Variants in DUSP15 observed in about 807,000 individuals in gnomAD.
DUSP15 encodes the protein dual specificity phosphatase 15.
A neutral mutation model predicts 26.3 loss-of-function variants in DUSP15; 23 were observed. The ratio of observed to expected loss-of-function variants is 0.87; its 90% CI spans 0.63 to 1.24. The LOEUF is 1.24. DUSP15 is among the 50% of genes most tolerant of loss of function. The probability of loss-of-function intolerance (pLI) is 0.00; values close to 1 mark genes in which losing one functional copy is unlikely to be tolerated. For synonymous variants in DUSP15, 143 were observed against 135.5 expected (o/e 1.06, Z -0.39); for missense variants, 364 against 320.6 (o/e 1.14, Z -1.03).
chr20:31,846,475 A>AGAGAGAGAGAGAGAGAGG (rs71274237), downstream of DUSP15, among the ~76,000 whole-genome samples: 14 of 79,674 alleles, frequency 1.8e-4, no homozygotes, highest in South Asian at 1.3e-3. Flanking sequence ...AGAGAGAGAG[A>AGAGAGAGAGAGAGAGAGG]GGAGAGAGAG....
At chr20:31,849,523 C>A (rs775286585) in intron 8 of DUSP15, 2 of 831,970 alleles carry the variant, frequency 2.4e-6, no homozygotes, top group Non-Finnish European at 4.2e-6. Context: ...TGTTCCACTC[C>A]TCCAGCCGTC....
rs1600427351 is a variant in DUSP15, at chr20:31,848,662, C to T, written c.727-97G>A. 3 of 1,460,762 alleles carry T rather than the reference C, an allele frequency of 2.1e-6. No individual in the cohort carries two copies. In the African/African-American group the frequency reaches 4.3e-5, roughly 21 times the overall value. The allele number at this position is 1,460,762 out of a possible 1,614,324, so 90.5% of individuals were successfully genotyped here. A position where few individuals can be genotyped will look rare whatever the true frequency, so the allele number is the denominator to read the frequency against. On this transcript the variant is annotated intron_variant, in intron 9 of 9. Coordinates refer to the DUSP15 transcript ENST00000278979. ...AGCCCTAGTTACAGCCCCATCCCTACCCCCATTTTCCAGGTAGGGTCCTAC... is the reference window on the plus strand; with the variant it reads ...AGCCCTAGTTACAGCCCCATCCCTATCCCCATTTTCCAGGTAGGGTCCTAC...
chr20:31,868,476 C>CT lies in DUSP15; in HGVS notation c.55+1087dup, dbSNP rs35862553. ...ATGTTTTCTTTTCTTTTTTCTTTCT[C>CT]TTTTTTTTTTTTTTTTTTTTTGAGA... is the stretch of plus-strand genomic sequence containing the variant. On this transcript the variant is annotated intron_variant, in intron 2 of 6. Transcript: ENST00000339738. Among the ~76,000 whole-genome samples, 416 of 97,246 alleles carry CT rather than the reference C, an allele frequency of 4.3e-3. 5 individuals carry two copies. Among genetic ancestry groups the CT allele is most frequent in the Non-Finnish European group, 5.4e-3 (267 of 49,888 alleles). The allele number at this position is 97,246 out of a possible 152,430, so 63.8% of individuals were successfully genotyped here.
At chr20:31,863,635 A>G in intron 5 of DUSP15, 2 of 423,238 alleles carry the variant, frequency 4.7e-6, no homozygotes, top group Non-Finnish European at 8.7e-6. Flanking sequence ...TATCCCTCCC[A>G]ACAGTCCCAT....
In DUSP15 at chr20:31,867,109, T is replaced by C. The variant is rs1481229480; in HGVS notation, c.100A>G (p.Ile34Val). 5 of 1,592,104 alleles carry C rather than the reference T, an allele frequency of 3.1e-6. No homozygotes were observed. The highest frequency in any genetic ancestry group is 1.3e-5 in the African/African-American group (1 of 74,524). ...TGGGGTGACTCATGGATAGAGATGATGTGTGTGATCTTATTTCGGCCCAGC... is the reference window on the plus strand; with the variant it reads ...TGGGGTGACTCATGGATAGAGATGACGTGTGTGATCTTATTTCGGCCCAGC... The part of the protein sequence containing the change: ...DQLGRNKITH[I>V]ISIHESPQPL... The change falls in exon 3 of 7, where the codon ATC becomes GTC. Residue 34 changes from isoleucine to valine, a missense_variant. Ile to Val is a conservative substitution (Grantham distance 29, BLOSUM62 3). Transcript: ENST00000339738.
chr20:31,863,890 C>G lies in DUSP15; in HGVS notation c.263+17G>C. The G allele has an allele frequency of 2.5e-6, 4 of 1,612,274 alleles. No homozygotes were observed. Among genetic ancestry groups the G allele is most frequent in the Non-Finnish European group, 3.4e-6 (4 of 1,178,536 alleles). On this transcript the variant is annotated intron_variant, in intron 5 of 6. Transcript: ENST00000339738. The stretch of plus-strand genomic sequence containing the variant: ...ACTTCCTTCCTCCCCCACCTTATCC[C>G]CCTCCGCTTAACTCACCAGTGCACA...
At chr20:31,868,694 G>T (rs900403324) in intron 2 of DUSP15, among the ~76,000 whole-genome samples, 1 of 152,014 alleles carries the variant, frequency 6.6e-6, no homozygotes, top group South Asian at 2.1e-4. Flanking sequence ...TGGCCAGGCT[G>T]GTCTCGAACT....
chr20:31,845,673 G>T, downstream of DUSP15: 2 of 1,135,278 alleles, frequency 1.8e-6, 1 homozygote, highest in Non-Finnish European at 2.5e-6. Flanking sequence ...AAGGCAAAAA[G>T]GGGTGGGTCT....
chr20:31,849,805 C>T, exon 8 of DUSP15: 1 of 1,533,500 alleles, frequency 6.5e-7, no homozygotes, highest in Non-Finnish European at 8.7e-7. Context: ...GACGACAGCG[C>T]TGGGCTGTGC....
chr20:31,848,775 C>A, intron 9 of DUSP15: 1 of 1,595,560 alleles, frequency 6.3e-7, no homozygotes. Flanking sequence ...GGAGGGCGTG[C>A]TTCTTGGCTG....
chr20:31,848,217 T>C (rs2062398352), exon 10 of DUSP15: 2 of 560,118 alleles, frequency 3.6e-6, no homozygotes, highest in Non-Finnish European at 6.0e-6. Context: ...CGAAGCCCCA[T>C]GCCCAGCTGG....
intron 2 of DUSP15, among the ~76,000 whole-genome samples, chr20:31,868,854 T>C (rs1443162146): frequency 6.6e-6 from 1 of 152,220 alleles, no homozygotes; most frequent in Non-Finnish European, 1.5e-5. Context: ...GCCACCAGCC[T>C]GGAAGCCCCT....
At chr20:31,849,538 C>T (rs1382320633) in intron 8 of DUSP15, 1 of 901,330 alleles carries the variant, frequency 1.1e-6, no homozygotes. Flanking sequence ...GCCGTCCTAC[C>T]GCCTGGAGGA....
At chr20:31,853,968 A>C (rs2062517716) in intron 6 of DUSP15, among the ~76,000 whole-genome samples, 1 of 152,118 alleles carries the variant, frequency 6.6e-6, no homozygotes, top group Admixed American at 6.5e-5. Context: ...TTTGTGCTAA[A>C]ACCTGGATGG....
downstream of DUSP15, among the ~76,000 whole-genome samples, chr20:31,858,627 C>T (rs535112618): frequency 2.6e-5 from 4 of 152,156 alleles, no homozygotes; most frequent in Admixed American, 6.5e-5. This position sits in a 1 kb window ranked among gnomAD's most constrained non-coding sequence, Gnocchi z 4.4. Flanking sequence ...CTGGGCTCTG[C>T]GGGTCTCAGG....
intron 8 of DUSP15, chr20:31,849,708 G>A (rs1330974466): frequency 6.5e-7 from 1 of 1,529,730 alleles, no homozygotes; most frequent in Non-Finnish European, 8.8e-7. Context: ...GCAACACGTG[G>A]GCGCTGGGCA....
exon 8 of DUSP15, chr20:31,849,843 C>T (rs749044601): frequency 1.3e-6 from 2 of 1,522,324 alleles, no homozygotes; most frequent in South Asian, 1.2e-5. Context: ...ACCAGCGCTG[C>T]GGAGAGAAGA....
chr20:31,869,593 A>G lies in DUSP15; in HGVS notation c.26T>C (p.Leu9Pro). The change falls in exon 2 of 7, where the codon CTT (leucine) becomes CCT (proline). Residue 9 changes from leucine to proline, a missense_variant. Leu to Pro is a moderately conservative substitution (Grantham distance 98). Transcript: ENST00000339738. ...GAAGTTTCCGAGGTAGAGTCCAGGAAGTACCTAGAGGAAGGACAGGCAAGG... is the reference window on the plus strand; with the variant it reads ...GAAGTTTCCGAGGTAGAGTCCAGGAGGTACCTAGAGGAAGGACAGGCAAGG... MGNGMTKV[L>P]PGLYLGNFID... 6.2e-7 allele frequency: 1 copy of G among 1,613,772 alleles called. No individual in the cohort carries two copies.
intron 6 of DUSP15, among the ~76,000 whole-genome samples, chr20:31,850,897 C>A (rs545082416): frequency 2.6e-5 from 4 of 152,120 alleles, no homozygotes; most frequent in Non-Finnish European, 5.9e-5. Context: ...CCGGAGCCAT[C>A]CTGAGCATTG....
Sources: gnomAD v4.1 joint callset for allele counts (sites outside exome capture counted in the v4.1 genomes callset) on GRCh38, gnomAD v4.1.1 for gene constraint, Gnocchi (gnomAD v3.1) non-coding constraint, MANE v1.5 for transcripts, NCBI Gene and HGNC (gene_info 2026-07-23, HGNC 2026-07-21) for gene names.